The following RERE variants were observed in gnomAD, a reference collection of about 807,000 sequenced individuals.
RERE encodes the protein arginine-glutamic acid dipeptide repeats.
Under a neutral mutation model 146.1 loss-of-function variants are expected in RERE, and 40 were observed. That is an observed-to-expected ratio of 0.27 (90% confidence interval 0.21 to 0.36). The LOEUF (loss-of-function observed/expected upper bound fraction) is 0.36, where lower values mean the gene tolerates loss of function less well. Among genes scored for constraint, RERE ranks in the 10% least tolerant of loss-of-function variants. The pLI, the probability that RERE is intolerant of heterozygous loss-of-function variation, is 1.00. For synonymous variants in RERE, 1,003 were observed against 866.0 expected, an observed-to-expected ratio of 1.16 and a Z score of -2.78; for missense variants, 1,933 against 2,138.7, an observed-to-expected ratio of 0.90 and a Z score of 1.90.
At chr1:8,691,338 C>T (rs562339221) in intron 1 of RERE, among the ~76,000 whole-genome samples, 1 of 152,238 alleles carries the variant, frequency 6.6e-6, no homozygotes, top group East Asian at 1.9e-4. Context: ...ATCTCTATGT[C>T]CTCATAAAGA....
At chr1:8,717,191 A>C (rs1266714202) in intron 1 of RERE, among the ~76,000 whole-genome samples, 4 of 152,206 alleles carry the variant, frequency 2.6e-5, no homozygotes, top group Non-Finnish European at 4.4e-5. Flanking sequence ...CCATTTGTTT[A>C]TTCACAATTA....
intron 11 of RERE, among the ~76,000 whole-genome samples, chr1:8,448,852 CAAAT>C (rs1189016928): frequency 6.7e-6 from 1 of 149,890 alleles, no homozygotes; most frequent in Non-Finnish European, 1.5e-5. Context: ...AACAAACAAA[CAAAT>C]AAACAAACAA....
At chr1:8,576,870 A>G (rs1646300880) in intron 4 of RERE, among the ~76,000 whole-genome samples, 1 of 152,226 alleles carries the variant, frequency 6.6e-6, no homozygotes, top group Non-Finnish European at 1.5e-5. Context: ...ATTGAAATTT[A>G]TTCTAAAGAT....
chr1:8,409,262 G>C (rs1174946350), intron 12 of RERE, among the ~76,000 whole-genome samples: 1 of 152,210 alleles, frequency 6.6e-6, no homozygotes, highest in Admixed American at 6.5e-5. Flanking sequence ...TGGTTGTAAA[G>C]CTGAGCTATC....
intron 1 of RERE, among the ~76,000 whole-genome samples, chr1:8,739,822 ATTAATG>A (rs1039220615): frequency 4.2e-5 from 4 of 95,710 alleles, no homozygotes; most frequent in African/African-American, 6.9e-5. Flanking sequence ...CTCCATTATG[ATTAATG>A]TTAATAATAC....
intron 2 of RERE, among the ~76,000 whole-genome samples, chr1:8,647,462 T>C (rs1647369033): frequency 6.6e-6 from 1 of 152,238 alleles, no homozygotes. Context: ...GATGCCTTTA[T>C]GCTATGTTAC....
chr1:8,737,049 C>T (rs938328510), intron 1 of RERE, among the ~76,000 whole-genome samples: 2 of 152,160 alleles, frequency 1.3e-5, no homozygotes, highest in Non-Finnish European at 2.9e-5. Context: ...CAGAAGCAGA[C>T]CTTTCAGGAG....
At chr1:8,494,189 G>A (rs564084196) in intron 10 of RERE, among the ~76,000 whole-genome samples, 1 of 152,102 alleles carries the variant, frequency 6.6e-6, no homozygotes, top group Non-Finnish European at 1.5e-5. Flanking sequence ...GAAATTATTC[G>A]TGTAAAACTT....
chr1:8,732,263 C>A (rs529409139), intron 1 of RERE, among the ~76,000 whole-genome samples: 1 of 152,086 alleles, frequency 6.6e-6, no homozygotes, highest in Non-Finnish European at 1.5e-5. Flanking sequence ...GTCCTTCAAC[C>A]GTACTTCATG....
chr1:8,666,797 T>G (rs1638585312), intron 1 of RERE, among the ~76,000 whole-genome samples: 1 of 151,256 alleles, frequency 6.6e-6, no homozygotes, highest in South Asian at 2.1e-4. Flanking sequence ...GTATTGAGAG[T>G]TTTTCCATGT....
chr1:8,612,242 C>A (rs1037324290), intron 4 of RERE, among the ~76,000 whole-genome samples: 1 of 152,180 alleles, frequency 6.6e-6, no homozygotes, highest in Non-Finnish European at 1.5e-5. Context: ...ACCCTGTAAT[C>A]AATTTTTTCT....
Position 8,786,325 on chromosome 1 carries a change from T to C in RERE, c.-145+30835A>G, listed in dbSNP as rs983292176. On this transcript the variant is annotated intron_variant, in intron 1 of 22. Coordinates refer to ENST00000400908, the MANE Select transcript of RERE (RefSeq NM_001042681.2). ...AAATAATTTGAAGGGCCACAGGAAG[T>C]TATTTGCTTCTTTAAAGCGTTTTCC... 5 of 873,810 alleles carry C rather than the reference T, an allele frequency of 5.7e-6. No homozygotes were observed. In the African/African-American group the frequency reaches 6.6e-5, roughly 11 times the overall value. 54.1% of individuals were successfully genotyped at this position (873,810 alleles called of 1,614,324 possible). A position where few individuals can be genotyped will look rare whatever the true frequency, so the allele number is the denominator to read the frequency against.
At chr1:8,738,352 G>A (rs1390574750) in intron 1 of RERE, among the ~76,000 whole-genome samples, 1 of 151,814 alleles carries the variant, frequency 6.6e-6, no homozygotes, top group Non-Finnish European at 1.5e-5. Context: ...GTGTGAACTT[G>A]GCTCACTGCA....
At chr1:8,664,865 T>C (rs1309921323) in intron 1 of RERE, among the ~76,000 whole-genome samples, 1 of 152,202 alleles carries the variant, frequency 6.6e-6, no homozygotes, top group East Asian at 1.9e-4. Context: ...ACTCCTACAA[T>C]TATTTTACTG....
intron 1 of RERE, among the ~76,000 whole-genome samples, chr1:8,670,647 G>A (rs2124372183): frequency 6.6e-6 from 1 of 152,296 alleles, no homozygotes; most frequent in Non-Finnish European, 1.5e-5. Context: ...TTAAAGTGGG[G>A]GAAAGCATTC....
At chr1:8,448,711 C>T (rs556599157) in intron 11 of RERE, among the ~76,000 whole-genome samples, 1 of 152,158 alleles carries the variant, frequency 6.6e-6, no homozygotes, top group African/African-American at 2.4e-5. Context: ...CATCTGTAAT[C>T]CCAGCTACTT....
At chr1:8,765,185 G>A (rs1348044689) in intron 1 of RERE, among the ~76,000 whole-genome samples, 1 of 152,250 alleles carries the variant, frequency 6.6e-6, no homozygotes, top group East Asian at 1.9e-4. Flanking sequence ...ATGAAGTACA[G>A]ATGTTATGCT....
chr1:8,589,384 G>A (rs1646465652), intron 4 of RERE, among the ~76,000 whole-genome samples: 1 of 152,194 alleles, frequency 6.6e-6, no homozygotes, highest in Admixed American at 6.5e-5. Context: ...AGGTTGCAGT[G>A]AGTCAAGATC....
chr1:8,462,561 C>T (rs1644540587), intron 11 of RERE, among the ~76,000 whole-genome samples: 1 of 152,224 alleles, frequency 6.6e-6, no homozygotes, highest in Admixed American at 6.5e-5. Flanking sequence ...GGTGCAGAGG[C>T]CCAGCCTGTC....
Sources: gnomAD v4.1 joint callset for allele counts (sites outside exome capture counted in the v4.1 genomes callset) on GRCh38, gnomAD v4.1.1 for gene constraint, MANE v1.5 for transcripts, NCBI Gene and HGNC (gene_info 2026-07-23, HGNC 2026-07-21) for gene names.